Variants in RAI1 observed in about 807,000 individuals in gnomAD.
RAI1 encodes retinoic acid induced 1.
RAI1 carries 9 observed loss-of-function variants against 123.8 expected under a neutral mutation model. That is an observed-to-expected ratio of 0.07 (90% CI 0.04 to 0.13). The LOEUF (loss-of-function observed/expected upper bound fraction) is 0.13, where lower values mean the gene tolerates loss of function less well. RAI1 is among the 10% of genes least tolerant of loss of function. The pLI is 1.00. For missense variants in RAI1, 2,256 were observed against 2,545.8 expected (o/e 0.89, Z 2.45); for synonymous variants, 1,231 against 1,127.3 (o/e 1.09, Z -1.84).
intron 1 of RAI1, among the ~76,000 whole-genome samples, chr17:17,695,233 G>A (rs1367134731): frequency 1.3e-5 from 2 of 152,160 alleles, no homozygotes; most frequent in Admixed American, 1.3e-4. Context: ...TTGCCCTAGG[G>A]CAGGAGAAAG....
At chr17:17,802,280 CCT>C (rs1304749802) in intron 3 of RAI1, 2 of 424,632 alleles carry the variant, frequency 4.7e-6, no homozygotes. Context: ...GTCACCGCCT[CCT>C]CTCACAGGTC....
intron 2 of RAI1, among the ~76,000 whole-genome samples, chr17:17,761,024 TCAAA>T (rs2030675146): frequency 6.6e-6 from 1 of 152,068 alleles, no homozygotes; most frequent in South Asian, 2.1e-4. Context: ...TGTTTTGGAG[TCAAA>T]CAGACCTGGG....
At position 17,798,071 on chromosome 17, in the gene RAI1, C is replaced by T. The variant is rs2143003376; in HGVS notation, c.5123C>T (p.Pro1708Leu). Residue 1708 changes from proline (P) to leucine (L), a missense_variant, in exon 3 of 6, where the codon CCT becomes CTT. Around this residue, in one of 7 missense-constraint regions of RAI1, gnomAD observed 243 missense variants for 316.6 expected, o/e 0.77. Transcript: ENST00000353383. ...GGGGACCTCTGTGGGCCCTACTACCCTGAACACTGCCTCCCCAAAAAGAAG... is the reference window on the plus strand; with the variant it reads ...GGGGACCTCTGTGGGCCCTACTACCTTGAACACTGCCTCCCCAAAAAGAAG... ...DLGDLCGPYYPEHCLPKKKPK... is the reference protein window; with the variant it reads ...DLGDLCGPYYLEHCLPKKKPK... The T allele has an allele frequency of 1.2e-6, 2 of 1,614,126 alleles. No individual in the cohort carries two copies. Among genetic ancestry groups the T allele is most frequent in the African/African-American group, 2.7e-5 (2 of 75,070 alleles).
At chr17:17,769,408 G>A (rs1258631765) in intron 2 of RAI1, among the ~76,000 whole-genome samples, 1 of 152,208 alleles carries the variant, frequency 6.6e-6, no homozygotes, top group Non-Finnish European at 1.5e-5. Context: ...ATGTGGGGCT[G>A]GGAGCCAGCT....
chr17:17,718,132 C>A (rs755591873), intron 1 of RAI1, among the ~76,000 whole-genome samples: 18 of 152,192 alleles, frequency 1.2e-4, no homozygotes, highest in Non-Finnish European at 2.4e-4. Context: ...CCTCTCCCCT[C>A]TCCCCCTGCT....
In RAI1 at chr17:17,797,437, A is replaced by G. The variant is rs977113916; in HGVS notation, c.4489A>G (p.Lys1497Glu). The G allele has an allele frequency of 6.2e-7, 1 of 1,613,130 alleles. No homozygotes were observed. The highest frequency in any genetic ancestry group is 8.5e-7 in the Non-Finnish European group (1 of 1,179,878). ...TGAGGACAACTCTGGTGGAGGAGGC[A>G]AGAAGCCAAAGATGGAGGAGCTGGG... ...ASEDNSGGGG[K>E]KPKMEELGLA... Residue 1497 changes from lysine to glutamate, a missense_variant, in exon 3 of 6, where the codon AAG (lysine) becomes GAG (glutamate). Physicochemically the swap from Lys to Glu is moderately conservative, Grantham distance 56. Coordinates refer to ENST00000353383, the MANE Select transcript of RAI1 (RefSeq NM_030665.4).
At position 17,803,800 on chromosome 17, in the gene RAI1, C is replaced by T. The variant is rs1436542682; in HGVS notation, c.5610C>T (p.Cys1870=). ...CQEAGATIGC[C]HKGCLHTYHY... is the part of the protein sequence containing the mutation. ...AAGCCGGGGCCACCATTGGGTGCTG[C>T]CACAAAGGATGCCTCCACACCTACC... Residue 1870 remains cysteine, a synonymous_variant, in exon 4 of 6, where the codon TGC becomes TGT. Coordinates refer to ENST00000353383, the MANE Select transcript of RAI1 (RefSeq NM_030665.4). 6.2e-7 allele frequency: 1 copy of T among 1,613,546 alleles called. No homozygotes were observed. The highest frequency in any genetic ancestry group is 8.5e-7 in the Non-Finnish European group (1 of 1,180,008).
rs2032438859 is a variant in RAI1, at chr17:17,800,870, C to T, written c.5565+2357C>T. 6.6e-6 allele frequency among the ~76,000 whole-genome samples: 1 copy of T among 152,180 alleles called. No homozygotes were observed. Among genetic ancestry groups the T allele is most frequent in the South Asian group, 2.1e-4 (1 of 4,838 alleles). Reference sequence around the variant, plus strand: ...TTGGAGTGAGACCCTGGTTCAAATCCCAGCTCTGCCGAGGGCTGGTTCCAT... The same window carrying T: ...TTGGAGTGAGACCCTGGTTCAAATCTCAGCTCTGCCGAGGGCTGGTTCCAT... On this transcript the variant is annotated intron_variant, in intron 3 of 5. Coordinates refer to ENST00000353383, the MANE Select transcript of RAI1 (RefSeq NM_030665.4). The surrounding 1 kb of genome is among the most constrained non-coding windows in gnomAD (Gnocchi z 4.7).
intron 2 of RAI1, among the ~76,000 whole-genome samples, chr17:17,736,089 T>A (rs1027655326): frequency 2.0e-5 from 3 of 152,094 alleles, no homozygotes; most frequent in Non-Finnish European, 4.4e-5. Context: ...ATGTTGTGAG[T>A]GTGCATTGCG....
intron 3 of RAI1, among the ~76,000 whole-genome samples, chr17:17,803,531 G>A (rs948613161): frequency 5.9e-5 from 9 of 151,842 alleles, no homozygotes; most frequent in African/African-American, 2.2e-4. Flanking sequence ...TGAGTAGCTG[G>A]GACTACAGGC....
Position 17,810,409 on chromosome 17 carries a change from C to T in RAI1, c.*428C>T. Reference sequence around the variant, plus strand: ...CTGCCGCCACCCCAGTCGGTCGTGGCGTGCAGCTGGGAGCCCTGGGCTTGG... The same window carrying T: ...CTGCCGCCACCCCAGTCGGTCGTGGTGTGCAGCTGGGAGCCCTGGGCTTGG... On this transcript the variant is annotated 3_prime_UTR_variant, in exon 6 of 6. Transcript: ENST00000353383. The surrounding 1 kb of genome is among the most constrained non-coding windows in gnomAD (Gnocchi z 4.6). 1 of 231,192 alleles carries T rather than the reference C, an allele frequency of 4.3e-6. No homozygotes were observed. The highest frequency in any genetic ancestry group is 8.6e-6 in the Non-Finnish European group (1 of 115,756). The allele number at this position is 231,192 out of a possible 1,614,324, so 14.3% of individuals were successfully genotyped here. A position where few individuals can be genotyped will look rare whatever the true frequency, so the allele number is the denominator to read the frequency against.
At chr17:17,728,794 A>G (rs1426714203) in intron 2 of RAI1, among the ~76,000 whole-genome samples, 2 of 152,182 alleles carry the variant, frequency 1.3e-5, no homozygotes, top group African/African-American at 2.4e-5. Flanking sequence ...TCATGCAGCC[A>G]GGAGTTGGGA....
Position 17,796,081 on chromosome 17 carries a change from G to A in RAI1, c.3133G>A (p.Gly1045Ser), listed in dbSNP as rs2143002534. 1 of 1,580,940 alleles carries A rather than the reference G, an allele frequency of 6.3e-7. No individual in the cohort carries two copies. Among genetic ancestry groups the A allele is most frequent in the Non-Finnish European group, 8.6e-7 (1 of 1,163,556 alleles). The change falls in exon 3 of 6, where the codon GGC becomes AGC. Residue 1045 changes from glycine (G) to serine (S), a missense_variant. Gly to Ser is a moderately conservative substitution (Grantham distance 56, BLOSUM62 0). Coordinates refer to ENST00000353383, the MANE Select transcript of RAI1 (RefSeq NM_030665.4). The surrounding 1 kb of genome is among the most constrained non-coding windows in gnomAD (Gnocchi z 5.8). ...QGQMEGAGAP[G>S]RGASEGLPRM... ...ACAGATGGAAGGGGCTGGAGCCCCA[G>A]GCCGGGGGGCCTCGGAAGGGCTCCC...
Position 17,796,230 on chromosome 17 carries a change from G to T in RAI1, c.3282G>T (p.Ser1094=). Residue 1094 remains serine, a synonymous_variant, in exon 3 of 6, where the codon TCG becomes TCT. Coordinates refer to ENST00000353383, the MANE Select transcript of RAI1 (RefSeq NM_030665.4). The surrounding 1 kb of genome is among the most constrained non-coding windows in gnomAD (Gnocchi z 5.8). Reference sequence around the variant, plus strand: ...GCAAGCAGCGAGCCGCCTTCAAGTCGGGCAAGCGGGTGGGGAAGCCCTCAC... The same window carrying T: ...GCAAGCAGCGAGCCGCCTTCAAGTCTGGCAAGCGGGTGGGGAAGCCCTCAC... The part of the protein sequence containing the change: ...LGGKQRAAFK[S]GKRVGKPSPK... 6.4e-7 allele frequency: 1 copy of T among 1,565,854 alleles called. No individual in the cohort carries two copies. The highest frequency in any genetic ancestry group is 8.7e-7 in the Non-Finnish European group (1 of 1,154,862).
rs369063156 is a variant in RAI1 at position 17,798,843 on chromosome 17, G to A, written c.5565+330G>A. 1.9e-4 allele frequency among the ~76,000 whole-genome samples: 29 copies of A among 152,290 alleles called. No homozygotes were observed. The East Asian group carries it at 3.9e-3, about 20-fold the overall frequency. On this transcript the variant is annotated intron_variant, in intron 3 of 5. Transcript: ENST00000353383. ...CTGGGCCCCTCCCCATGCTGTCACC[G>A]GAGATGCCAAGGCCCAGAGAACACG...
Position 17,795,570 on chromosome 17 carries a change from A to C in RAI1, c.2622A>C (p.Leu874=). The C allele has an allele frequency of 6.2e-7, 1 of 1,611,106 alleles. No individual in the cohort carries two copies. Among genetic ancestry groups the C allele is most frequent in the Non-Finnish European group, 8.5e-7 (1 of 1,178,920 alleles). The change falls in exon 3 of 6, where the codon CTA becomes CTC. Residue 874 remains leucine (L), a synonymous_variant. Coordinates refer to ENST00000353383, the MANE Select transcript of RAI1 (RefSeq NM_030665.4). This position sits in a 1 kb window ranked among gnomAD's most constrained non-coding sequence, Gnocchi z 5.9. ...DLEAEEEYSS[L]CELLGSPEQR... is the part of the protein sequence containing the mutation. ...AAGCTGAGGAGGAGTACTCCTCCCT[A>C]TGTGAGCTCCTGGGCAGCCCCGAGC... is the stretch of plus-strand genomic sequence containing the variant.
At chr17:17,723,921 G>A (rs1915980114) in intron 1 of RAI1, 107 bp from the exon 2 acceptor site, 1 of 148,224 alleles carries the variant, frequency 6.7e-6, no homozygotes, top group Non-Finnish European at 1.5e-5. Context: ...GGGCGCGAGA[G>A]GCGCGGCGCG....
At position 17,795,743 on chromosome 17, in the gene RAI1, T is replaced by C. The variant is rs757041507; in HGVS notation, c.2795T>C (p.Val932Ala). 3 of 1,613,318 alleles carry C rather than the reference T, an allele frequency of 1.9e-6. No homozygotes were observed. The highest frequency in any genetic ancestry group is 2.7e-5 in the African/African-American group (2 of 74,920). The change falls in exon 3 of 6, where the codon GTG becomes GCG. Residue 932 changes from valine to alanine, a missense_variant. Physicochemically the swap from Val to Ala is moderately conservative, Grantham distance 64. This residue lies in a region of RAI1 where 566 missense variants were observed against 616.0 expected (regional missense o/e 0.92). Transcript: ENST00000353383. This position sits in a 1 kb window ranked among gnomAD's most constrained non-coding sequence, Gnocchi z 5.9. ...TCCGTCATCCTGCTGGGCCCTACAG[T>C]GGGCACCGAGTCAAAGGTCCAGAGC... Reference protein sequence around the residue: ...GESVILLGPTVGTESKVQSWF... With the variant: ...GESVILLGPTAGTESKVQSWF...
At chr17:17,767,199 G>A (rs1272348442) in intron 2 of RAI1, among the ~76,000 whole-genome samples, 1 of 152,178 alleles carries the variant, frequency 6.6e-6, no homozygotes, top group Non-Finnish European at 1.5e-5. Flanking sequence ...GGGGCCTGAG[G>A]AGCCTACTGA....
Sources: allele counts gnomAD v4.1 joint callset (sites outside exome capture counted in the v4.1 genomes callset), GRCh38; gene constraint gnomAD v4.1.1; regional missense constraint gnomAD v4.1.1; non-coding constraint Gnocchi (gnomAD v3.1); transcripts MANE v1.5; gene names NCBI Gene and HGNC (gene_info 2026-07-23, HGNC 2026-07-21).